The following EFR3A variants were observed in gnomAD, a reference collection of about 807,000 sequenced individuals.
EFR3A encodes the protein protein EFR3 homolog A.
In EFR3A, 76 loss-of-function variants were observed where a neutral mutation model predicts 104.4. The ratio of observed to expected loss-of-function variants is 0.73; its 90% CI spans 0.60 to 0.88. The LOEUF (loss-of-function observed/expected upper bound fraction) is 0.88. EFR3A is among the 40% of genes least tolerant of loss of function. The pLI, the probability that EFR3A is intolerant of heterozygous loss-of-function variation, is 0.00. For missense variants in EFR3A, 985 were observed against 1,012.5 expected, an observed-to-expected ratio of 0.97 and a Z score of 0.37; for synonymous variants, 330 against 330.0, an observed-to-expected ratio of 1.00 and a Z score of 0.00.
At chr8:131,925,061 T>C (rs1817234134) in intron 1 of EFR3A, among the ~76,000 whole-genome samples, 1 of 152,130 alleles carries the variant, frequency 6.6e-6, no homozygotes, top group Non-Finnish European at 1.5e-5. Flanking sequence ...TTAGTCTTAG[T>C]TCCTTAGTCT....
At chr8:131,938,319 G>A (rs1055841360) in intron 1 of EFR3A, 9 of 397,632 alleles carry the variant, frequency 2.3e-5, no homozygotes, top group Middle Eastern at 6.3e-4. Flanking sequence ...TACTTGAGTA[G>A]GTCCAATGAT....
intron 10 of EFR3A, among the ~76,000 whole-genome samples, chr8:131,975,751 A>T (rs1210458327): frequency 5.3e-5 from 8 of 152,056 alleles, no homozygotes. Flanking sequence ...CAGTCAACTC[A>T]AGTCAGTCCC....
intron 7 of EFR3A, among the ~76,000 whole-genome samples, chr8:131,957,700 GGAAAT>G (rs1247854890): frequency 4.0e-5 from 6 of 151,776 alleles, no homozygotes. Context: ...AAACTGCTCT[GGAAAT>G]TGTATTTTAT....
At chr8:132,006,385 G>A (rs1251665495) in intron 22 of EFR3A, among the ~76,000 whole-genome samples, 1 of 151,956 alleles carries the variant, frequency 6.6e-6, no homozygotes, top group Non-Finnish European at 1.5e-5. Context: ...AAGAATTATA[G>A]ATAATAAAGG....
intron 10 of EFR3A, among the ~76,000 whole-genome samples, chr8:131,970,963 T>G (rs1293513510): frequency 1.3e-5 from 2 of 152,138 alleles, no homozygotes; most frequent in Non-Finnish European, 2.9e-5. Flanking sequence ...GTGTGTCTCT[T>G]TGTGTGTGTA....
At chr8:132,007,200 T>G (rs1161439288) in intron 22 of EFR3A, among the ~76,000 whole-genome samples, 2 of 151,832 alleles carry the variant, frequency 1.3e-5, no homozygotes, top group South Asian at 2.1e-4. Flanking sequence ...AACTATCTTT[T>G]CACAGATGAC....
At chr8:131,999,450 T>G (rs1286607005) in intron 19 of EFR3A, among the ~76,000 whole-genome samples, 1 of 152,210 alleles carries the variant, frequency 6.6e-6, no homozygotes, top group African/African-American at 2.4e-5. Context: ...AAGGGCATTA[T>G]ATAGTCTAGG....
intron 1 of EFR3A, among the ~76,000 whole-genome samples, chr8:131,915,751 G>A (rs1816716052): frequency 6.6e-6 from 1 of 152,182 alleles, no homozygotes. Flanking sequence ...TGTTTGAGAT[G>A]AGTTATGCAG....
At position 131,904,183 on chromosome 8, in the gene EFR3A, C is replaced by A; in HGVS notation, c.-130C>A. On this transcript the variant is annotated 5_prime_UTR_variant, in exon 1 of 23. Coordinates refer to ENST00000254624, the MANE Select transcript of EFR3A (RefSeq NM_015137.6). The stretch of plus-strand genomic sequence containing the variant: ...CCGCGGGGTCCGCGTCCGCTCCCTC[C>A]ACCCTTCGCCCTTCGCCCTTCGCCT... 9.3e-7 allele frequency: 1 copy of A among 1,078,696 alleles called. No homozygotes were observed. The highest frequency in any genetic ancestry group is 3.3e-5 in the East Asian group (1 of 30,186). The allele number at this position is 1,078,696 out of a possible 1,614,324, so 66.8% of individuals were successfully genotyped here. A position where few individuals can be genotyped will look rare whatever the true frequency, so the allele number is the denominator to read the frequency against.
chr8:131,984,952 T>A lies in EFR3A; in HGVS notation c.1761T>A (p.Asp587Glu), dbSNP rs982068202. ...AGGACAGTGCAATTATCAATGAGGATAATTTGCCAATGTTCCATCGTTGTG... is the reference window on the plus strand; with the variant it reads ...AGGACAGTGCAATTATCAATGAGGAAAATTTGCCAATGTTCCATCGTTGTG... ...ALQDSAIINE[D>E]NLPMFHRCGI... Residue 587 changes from aspartate (D) to glutamate (E), a missense_variant, in exon 16 of 23, where the codon GAT becomes GAA. Asp to Glu is a conservative substitution (Grantham distance 45). Transcript: ENST00000254624. 1.2e-6 allele frequency: 2 copies of A among 1,613,396 alleles called. No homozygotes were observed. Among genetic ancestry groups the A allele is most frequent in the African/African-American group, 2.7e-5 (2 of 74,906 alleles).
chr8:131,981,021 T>TTATATATATATATA (rs762282805), intron 14 of EFR3A, among the ~76,000 whole-genome samples: 12 of 126,040 alleles, frequency 9.5e-5, no homozygotes, highest in African/African-American at 3.4e-4. Context: ...GTATTTCATT[T>TTATATATATATATA]TATATATATA....
Position 131,977,170 on chromosome 8 carries a change from A to G in EFR3A, c.1326+78A>G, listed in dbSNP as rs536852830. On this transcript the variant is annotated intron_variant, in intron 12 of 22. Transcript: ENST00000254624. Reference sequence around the variant, plus strand: ...CATTAATTGAATAGCTTCATGTTACAACCGTTCTTTCTTAAGTAAGTTACT... The same window carrying G: ...CATTAATTGAATAGCTTCATGTTACGACCGTTCTTTCTTAAGTAAGTTACT... 8 of 1,024,568 alleles carry G rather than the reference A, an allele frequency of 7.8e-6. No individual in the cohort carries two copies. The East Asian group carries it at 1.8e-4, about 23-fold the overall frequency. The allele number at this position is 1,024,568 out of a possible 1,614,324, so 63.5% of individuals were successfully genotyped here.
intron 2 of EFR3A, among the ~76,000 whole-genome samples, chr8:131,942,866 G>C (rs1818230242): frequency 6.6e-6 from 1 of 151,974 alleles, no homozygotes; most frequent in African/African-American, 2.4e-5. Flanking sequence ...AAGAAGTCTT[G>C]CACAAAATAT....
In EFR3A at chr8:132,012,745, AT is replaced by A. The variant is rs1227387015; in HGVS notation, c.*1851del. On this transcript the variant is annotated 3_prime_UTR_variant, in exon 23 of 23. Transcript: ENST00000254624. Reference sequence around the variant, plus strand: ...CACTGTGTGCTTTTGTATGGAAAAAATATATATAATTTAATAGTATAAAAAA... The same window carrying A: ...CACTGTGTGCTTTTGTATGGAAAAAAATATATAATTTAATAGTATAAAAAA... 3 of 152,380 alleles carry A rather than the reference AT, an allele frequency of 2.0e-5. No homozygotes were observed. Among genetic ancestry groups the A allele is most frequent in the African/African-American group, 7.2e-5 (3 of 41,408 alleles). The allele number at this position is 152,380 out of a possible 1,614,324, so 9.4% of individuals were successfully genotyped here. A position where few individuals can be genotyped will look rare whatever the true frequency, so the allele number is the denominator to read the frequency against.
chr8:131,933,253 G>T (rs1817707314), intron 1 of EFR3A, among the ~76,000 whole-genome samples: 1 of 152,082 alleles, frequency 6.6e-6, no homozygotes, highest in South Asian at 2.1e-4. Context: ...TTCTTGCCAA[G>T]ACTCTTCCCC....
At chr8:131,979,272 C>A (rs902317391) in intron 13 of EFR3A, 74 bp from the exon 14 acceptor site, 2 of 1,217,164 alleles carry the variant, frequency 1.6e-6, no homozygotes, top group African/African-American at 1.5e-5. Flanking sequence ...AGTATAAATA[C>A]AATTTTCCAT....
intron 18 of EFR3A, among the ~76,000 whole-genome samples, chr8:131,988,260 A>C (rs1052109891): frequency 1.3e-5 from 2 of 152,040 alleles, no homozygotes; most frequent in Admixed American, 6.6e-5. Flanking sequence ...TTCAACTTTT[A>C]CTGTAAAAAT....
At chr8:131,938,378 TAA>T (rs1333748235) in intron 1 of EFR3A, 1 of 395,232 alleles carries the variant, frequency 2.5e-6, no homozygotes, top group Non-Finnish European at 4.5e-6. Context: ...CATATTTATT[TAA>T]AAGTCTATAT....
At chr8:131,972,741 A>G (rs1437723841) in intron 10 of EFR3A, among the ~76,000 whole-genome samples, 3 of 152,102 alleles carry the variant, frequency 2.0e-5, no homozygotes, top group East Asian at 3.9e-4. Context: ...AATAGTTTCA[A>G]TTAATAGTAG....
Sources: gnomAD v4.1 joint callset for allele counts (sites outside exome capture counted in the v4.1 genomes callset) on GRCh38, gnomAD v4.1.1 for gene constraint, MANE v1.5 for transcripts, NCBI Gene and HGNC (gene_info 2026-07-23, HGNC 2026-07-21) for gene names.